Variants in NEK7 observed in about 807,000 individuals in gnomAD.
NEK7 encodes the protein serine/threonine-protein kinase Nek7.
In NEK7, 18 loss-of-function variants were observed where a neutral mutation model predicts 44.6. The observed-to-expected ratio is 0.40, with a 90% CI of 0.28 to 0.60. The LOEUF (loss-of-function observed/expected upper bound fraction) is 0.60. NEK7 is among the 20% of genes least tolerant of loss of function. NEK7 has a pLI of 0.38. For synonymous variants in NEK7, 130 were observed against 121.1 expected (o/e 1.07, Z -0.48); for missense variants, 256 against 366.5 (o/e 0.70, Z 2.46).
intron 6 of NEK7, among the ~76,000 whole-genome samples, chr1:198,278,654 C>T (rs980352801): frequency 2.6e-5 from 4 of 151,606 alleles, no homozygotes; most frequent in African/African-American, 4.8e-5. Context: ...CAAAAGGACA[C>T]GTGTATTTTG....
chr1:198,255,986 A>G lies in NEK7; in HGVS notation c.198+2806A>G, dbSNP rs114893463. ...CAAAATTTTATAATATTGCTGACCA[A>G]TGCTTTTCCTTTTTGAAGAATGCTA... On this transcript the variant is annotated intron_variant, in intron 3 of 9. Coordinates refer to ENST00000367385, the MANE Select transcript of NEK7 (RefSeq NM_133494.3). Among the ~76,000 whole-genome samples, 726 of 152,202 alleles carry G rather than the reference A, an allele frequency of 4.8e-3. 7 individuals are homozygous for G. The highest frequency in any genetic ancestry group is 0.017 in the African/African-American group (692 of 41,534).
intron 1 of NEK7, among the ~76,000 whole-genome samples, chr1:198,215,919 C>A (rs899920489): frequency 6.6e-6 from 1 of 151,902 alleles, no homozygotes; most frequent in Non-Finnish European, 1.5e-5. Flanking sequence ...AAAGCAATAC[C>A]ACTAGATTAA....
chr1:198,302,169 C>A (rs1469768347), intron 9 of NEK7, among the ~76,000 whole-genome samples: 1 of 152,046 alleles, frequency 6.6e-6, no homozygotes, highest in African/African-American at 2.4e-5. Context: ...TTAAAAAGAT[C>A]AAGTAATGAG....
chr1:198,170,256 G>A (rs1335664020), intron 1 of NEK7, among the ~76,000 whole-genome samples: 3 of 152,156 alleles, frequency 2.0e-5, no homozygotes, highest in Non-Finnish European at 4.4e-5. Context: ...TAGGAAAAAC[G>A]AGTGTGTCAG....
At chr1:198,175,823 A>G (rs988413649) in intron 1 of NEK7, among the ~76,000 whole-genome samples, 4 of 152,220 alleles carry the variant, frequency 2.6e-5, no homozygotes, top group African/African-American at 9.7e-5. Flanking sequence ...TTCGGTAAAG[A>G]TAAGCAGAAG....
chr1:198,281,785 A>G (rs752967687), intron 7 of NEK7, among the ~76,000 whole-genome samples: 1 of 151,996 alleles, frequency 6.6e-6, no homozygotes, highest in South Asian at 2.1e-4. Context: ...TGCATTTTCA[A>G]TTGTCTATTC....
At chr1:198,280,858 C>T (rs560184908) in intron 7 of NEK7, among the ~76,000 whole-genome samples, 1 of 150,670 alleles carries the variant, frequency 6.6e-6, no homozygotes, top group Non-Finnish European at 1.5e-5. Context: ...ACCTGAAATA[C>T]AGCAGTGAAA....
chr1:198,169,888 G>T (rs1343301130), intron 1 of NEK7, among the ~76,000 whole-genome samples: 1 of 152,180 alleles, frequency 6.6e-6, no homozygotes, highest in Non-Finnish European at 1.5e-5. Context: ...TGTGTTTTCT[G>T]TAGGGCCTAG....
intron 7 of NEK7, among the ~76,000 whole-genome samples, chr1:198,285,742 A>G (rs1415818915): frequency 6.6e-6 from 1 of 152,156 alleles, no homozygotes; most frequent in African/African-American, 2.4e-5. Flanking sequence ...AGAATCAGAA[A>G]TAATGAATAT....
intron 1 of NEK7, among the ~76,000 whole-genome samples, chr1:198,182,697 T>C (rs1394597556): frequency 1.3e-5 from 2 of 152,230 alleles, no homozygotes; most frequent in Non-Finnish European, 1.5e-5. Flanking sequence ...GCTAACCATC[T>C]ACTTATAATT....
chr1:198,312,370 T>G (rs1425517612), intron 9 of NEK7, among the ~76,000 whole-genome samples: 5 of 151,256 alleles, frequency 3.3e-5, no homozygotes, highest in Non-Finnish European at 7.4e-5. Flanking sequence ...TCAATTTTGT[T>G]GATCCTTTCA....
At chr1:198,280,994 C>T (rs1472662374) in intron 7 of NEK7, among the ~76,000 whole-genome samples, 1 of 151,284 alleles carries the variant, frequency 6.6e-6, no homozygotes, top group Non-Finnish European at 1.5e-5. Flanking sequence ...TTCCTTTATC[C>T]CTTGTCTTCT....
At chr1:198,280,803 A>G (rs1407613070) in intron 7 of NEK7, among the ~76,000 whole-genome samples, 3 of 149,562 alleles carry the variant, frequency 2.0e-5, no homozygotes, top group Admixed American at 6.7e-5. Context: ...CACATTATAA[A>G]TAAACATATG....
intron 1 of NEK7, among the ~76,000 whole-genome samples, chr1:198,167,275 T>C (rs1348512890): frequency 6.6e-6 from 1 of 152,234 alleles, no homozygotes; most frequent in African/African-American, 2.4e-5. Flanking sequence ...CTATCACTCT[T>C]ACACTTAAAA....
intron 1 of NEK7, among the ~76,000 whole-genome samples, chr1:198,174,554 C>T (rs1041976111): frequency 3.9e-5 from 6 of 152,056 alleles, no homozygotes; most frequent in Non-Finnish European, 7.4e-5. Context: ...CTTGTTATGA[C>T]TAACTCAGGT....
intron 5 of NEK7, among the ~76,000 whole-genome samples, chr1:198,273,537 C>T (rs1399094786): frequency 6.6e-6 from 1 of 151,660 alleles, no homozygotes; most frequent in Non-Finnish European, 1.5e-5. Flanking sequence ...TTTGAAATAA[C>T]CACGACAAAA....
chr1:198,204,228 C>T (rs1371780678), intron 1 of NEK7, among the ~76,000 whole-genome samples: 1 of 152,020 alleles, frequency 6.6e-6, no homozygotes, highest in African/African-American at 2.4e-5. Context: ...CCACTGCACT[C>T]CAGCCCGTGT....
At chr1:198,251,616 G>T (rs946884322) in intron 2 of NEK7, among the ~76,000 whole-genome samples, 1 of 152,066 alleles carries the variant, frequency 6.6e-6, no homozygotes, top group African/African-American at 2.4e-5. Flanking sequence ...GGGTGTATGT[G>T]TCAAGGAATT....
intron 1 of NEK7, among the ~76,000 whole-genome samples, chr1:198,180,481 A>G (rs907993356): frequency 1.3e-5 from 2 of 152,100 alleles, no homozygotes; most frequent in African/African-American, 4.8e-5. Flanking sequence ...CTCACTTGAC[A>G]GATGGTATAG....
Sources: gnomAD v4.1 joint callset for allele counts (sites outside exome capture counted in the v4.1 genomes callset) on GRCh38, gnomAD v4.1.1 for gene constraint, MANE v1.5 for transcripts, NCBI Gene and HGNC (gene_info 2026-07-23, HGNC 2026-07-21) for gene names.